MIB1: variants seen among roughly 807,000 people sequenced by gnomAD.
MIB1 encodes the protein MIB E3 ubiquitin protein ligase 1.
MIB1 carries 278 observed loss-of-function variants against 124.5 expected under a neutral mutation model. That is an observed-to-expected ratio of 2.23 (90% CI 2.02 to 2.47). The LOEUF (loss-of-function observed/expected upper bound fraction) is 2.47, where lower values mean the gene tolerates loss of function less well. Among genes scored for constraint, MIB1 ranks in the 30% most tolerant of loss-of-function variants. The probability of loss-of-function intolerance (pLI) is 0.00; values close to 1 mark genes in which losing one functional copy is unlikely to be tolerated. For synonymous variants in MIB1, 446 were observed against 429.4 expected, an observed-to-expected ratio of 1.04 and a Z score of -0.48; for missense variants, 957 against 1,254.4, an observed-to-expected ratio of 0.76 and a Z score of 3.58.
intron 6 of MIB1, among the ~76,000 whole-genome samples, chr18:21,788,479 A>G (rs548634181): frequency 6.6e-6 from 1 of 152,346 alleles, no homozygotes; most frequent in South Asian, 2.1e-4. Context: ...TGGCTTGATA[A>G]AGGACATCTA....
chr18:21,820,778 T>C (rs891351390), intron 12 of MIB1, among the ~76,000 whole-genome samples: 1 of 152,224 alleles, frequency 6.6e-6, no homozygotes, highest in African/African-American at 2.4e-5. Context: ...AATATCCTCA[T>C]TTTACACGTG....
intron 5 of MIB1, among the ~76,000 whole-genome samples, chr18:21,778,827 T>A (rs1266713659): frequency 6.6e-6 from 1 of 152,080 alleles, no homozygotes; most frequent in African/African-American, 2.4e-5. Context: ...CATAAAAAAA[T>A]TTACATTTTT....
intron 9 of MIB1, among the ~76,000 whole-genome samples, chr18:21,801,837 G>A (rs1014069934): frequency 1.3e-5 from 2 of 151,950 alleles, no homozygotes; most frequent in African/African-American, 4.8e-5. Flanking sequence ...GTCTGAACAG[G>A]GTCCTCTGCA....
At chr18:21,724,731 T>C (rs1363034550) in intron 1 of MIB1, among the ~76,000 whole-genome samples, 1 of 40,864 alleles carries the variant, frequency 2.4e-5, no homozygotes, top group Non-Finnish European at 4.2e-5. Flanking sequence ...AAAAAAAATA[T>C]ATATATATAT....
At chr18:21,809,990 A>G (rs942356267) in intron 10 of MIB1, among the ~76,000 whole-genome samples, 1 of 152,144 alleles carries the variant, frequency 6.6e-6, no homozygotes, top group African/African-American at 2.4e-5. Context: ...AAAGATTTCA[A>G]CAAAAAAACT....
chr18:21,723,033 T>C (rs896999524), intron 1 of MIB1, among the ~76,000 whole-genome samples: 7 of 152,204 alleles, frequency 4.6e-5, no homozygotes, highest in Non-Finnish European at 1.0e-4. Flanking sequence ...TATATATTAT[T>C]TGGAATTCTT....
At chr18:21,708,451 C>T (rs1301445046) in intron 1 of MIB1, among the ~76,000 whole-genome samples, 2 of 152,048 alleles carry the variant, frequency 1.3e-5, no homozygotes, top group African/African-American at 4.8e-5. Context: ...GTCAGGAGTT[C>T]GAGACCAGCT....
At chr18:21,730,990 T>A (rs1330781369) in intron 1 of MIB1, among the ~76,000 whole-genome samples, 2 of 152,212 alleles carry the variant, frequency 1.3e-5, no homozygotes, top group Non-Finnish European at 2.9e-5. Flanking sequence ...CCCTTTTACC[T>A]AGAAATTTGG....
chr18:21,769,921 G>GGGCCAGGC (rs1242933061), intron 3 of MIB1, among the ~76,000 whole-genome samples: 1 of 152,144 alleles, frequency 6.6e-6, no homozygotes, highest in Non-Finnish European at 1.5e-5. Flanking sequence ...AACAAAATGA[G>GGGCCAGGC]GGCCAGGCAT....
intron 10 of MIB1, among the ~76,000 whole-genome samples, chr18:21,812,010 A>T (rs1159322079): frequency 6.6e-6 from 1 of 152,198 alleles, no homozygotes. Flanking sequence ...GATGACTAAG[A>T]CACAGTCATA....
chr18:21,853,901 G>A (rs2042202642), intron 18 of MIB1, among the ~76,000 whole-genome samples: 1 of 147,630 alleles, frequency 6.8e-6, no homozygotes, highest in Admixed American at 7.0e-5. Context: ...GTCTCGCTCT[G>A]TCACCTAGGC....
intron 11 of MIB1, among the ~76,000 whole-genome samples, chr18:21,818,882 C>G (rs1375880463): frequency 1.3e-5 from 2 of 152,072 alleles, no homozygotes; most frequent in African/African-American, 4.8e-5. Context: ...TTGCAGTGAG[C>G]TGAGATCGCG....
In MIB1 at chr18:21,798,200, A is replaced by G; in HGVS notation, c.1209A>G (p.Ala403=). The G allele has an allele frequency of 6.2e-7, 1 of 1,613,240 alleles. No homozygotes were observed. Among genetic ancestry groups the G allele is most frequent in the Non-Finnish European group, 8.5e-7 (1 of 1,179,358 alleles). ...NPAAVSKVAS[A]GSAISNASGE... ...CAGCAGTTTCCAAGGTGGCATCTGCAGGATCAGCCATTAGCAATGCATCTG... is the reference window on the plus strand; with the variant it reads ...CAGCAGTTTCCAAGGTGGCATCTGCGGGATCAGCCATTAGCAATGCATCTG... Residue 403 remains alanine (A), a synonymous_variant, in exon 8 of 21, where the codon GCA becomes GCG. Coordinates refer to ENST00000261537, the MANE Select transcript of MIB1 (RefSeq NM_020774.4).
chr18:21,860,904 T>C (rs761985185), intron 20 of MIB1, among the ~76,000 whole-genome samples: 10 of 152,132 alleles, frequency 6.6e-5, no homozygotes, highest in Admixed American at 2.6e-4. Context: ...CAGACTGTTA[T>C]GACACATGCC....
At chr18:21,719,533 GC>G (rs2040704940) in intron 1 of MIB1, among the ~76,000 whole-genome samples, 1 of 151,942 alleles carries the variant, frequency 6.6e-6, no homozygotes, top group Non-Finnish European at 1.5e-5. Context: ...TGCAACCTCT[GC>G]CCCCTGGGTT....
intron 2 of MIB1, among the ~76,000 whole-genome samples, chr18:21,766,332 C>A (rs2041158518): frequency 6.6e-6 from 1 of 152,186 alleles, no homozygotes; most frequent in Non-Finnish European, 1.5e-5. Flanking sequence ...TAGGACTATA[C>A]AACATCTACT....
intron 9 of MIB1, among the ~76,000 whole-genome samples, chr18:21,801,271 G>T (rs1404912627): frequency 6.6e-6 from 1 of 151,976 alleles, no homozygotes; most frequent in Non-Finnish European, 1.5e-5. Context: ...ACAGTGGAAG[G>T]TGAGGATTTA....
At chr18:21,716,838 T>C (rs913692393) in intron 1 of MIB1, among the ~76,000 whole-genome samples, 2 of 151,212 alleles carry the variant, frequency 1.3e-5, no homozygotes, top group Non-Finnish European at 2.9e-5. Context: ...GGGGACAGAG[T>C]GAGACTCTAT....
In MIB1 at chr18:21,870,298, A is replaced by G. The variant is rs2042346287; in HGVS notation, c.*5632A>G. 1 of 152,314 alleles carries G rather than the reference A, an allele frequency of 6.6e-6. No individual in the cohort carries two copies. Among genetic ancestry groups the G allele is most frequent in the Non-Finnish European group, 1.5e-5 (1 of 68,008 alleles). 9.4% of individuals were successfully genotyped at this position (152,314 alleles called of 1,614,324 possible). A position where few individuals can be genotyped will look rare whatever the true frequency, so the allele number is the denominator to read the frequency against. ...ACCTGTTATTGTTAAAAAGGAAATT[A>G]CCATGCCTTTAAGAAACAAGGATGT... is the stretch of plus-strand genomic sequence containing the variant. On this transcript the variant is annotated 3_prime_UTR_variant, in exon 21 of 21. Transcript: ENST00000261537.
Sources: gnomAD v4.1 joint callset for allele counts (sites outside exome capture counted in the v4.1 genomes callset) on GRCh38, gnomAD v4.1.1 for gene constraint, MANE v1.5 for transcripts, NCBI Gene and HGNC (gene_info 2026-07-23, HGNC 2026-07-21) for gene names.